DCAF5: variants seen among roughly 807,000 people sequenced by gnomAD.
The protein encoded by DCAF5 is DDB1 and CUL4 associated factor 5, also known as DDB1- and CUL4-associated factor 5.
DCAF5 carries 9 observed loss-of-function variants against 80.7 expected under a neutral mutation model. The ratio of observed to expected loss-of-function variants is 0.11; its 90% CI spans 0.07 to 0.19. The LOEUF is 0.19. Ranked by LOEUF, DCAF5 falls within the 10% of genes least tolerant of loss-of-function variation. DCAF5 has a pLI of 1.00. For synonymous variants in DCAF5, 433 were observed against 461.9 expected, an observed-to-expected ratio of 0.94 and a Z score of 0.80; for missense variants, 842 against 1,205.7, an observed-to-expected ratio of 0.70 and a Z score of 4.47.
At chr14:69,141,696 T>C (rs189167361) in intron 1 of DCAF5, among the ~76,000 whole-genome samples, 6 of 152,290 alleles carry the variant, frequency 3.9e-5, no homozygotes, top group African/African-American at 9.6e-5. Flanking sequence ...GCAGGTGACG[T>C]AGAGTTACCT....
At chr14:69,153,127 C>G (rs905648959), upstream of DCAF5, 52 of 556,682 alleles carry the variant, frequency 9.3e-5, no homozygotes, top group Non-Finnish European at 1.4e-4. Context: ...TGTGCAGACA[C>G]TCGGCGGCGT....
chr14:69,058,978 G>A (rs531698528), intron 8 of DCAF5, among the ~76,000 whole-genome samples: 34 of 152,204 alleles, frequency 2.2e-4, no homozygotes, highest in African/African-American at 7.5e-4. Flanking sequence ...GCACAGTGAA[G>A]TTTAGCTTAA....
At chr14:69,153,122 A>C (rs1044526521), upstream of DCAF5, 22 of 589,008 alleles carry the variant, frequency 3.7e-5, no homozygotes, top group South Asian at 7.4e-4. Flanking sequence ...CGAGGTGTGC[A>C]GACACTCGGC....
chr14:69,130,626 A>G (rs575031765), intron 1 of DCAF5, among the ~76,000 whole-genome samples: 55 of 152,370 alleles, frequency 3.6e-4, no homozygotes, highest in African/African-American at 1.2e-3. Context: ...TTTACTACTT[A>G]TATATGTACA....
At chr14:69,147,627 A>C (rs1051903905) in intron 1 of DCAF5, among the ~76,000 whole-genome samples, 1 of 152,166 alleles carries the variant, frequency 6.6e-6, no homozygotes, top group Non-Finnish European at 1.5e-5. Flanking sequence ...TATAATGATC[A>C]ATATGGTCAG....
chr14:69,105,933 ATATATATATAT>A lies in DCAF5; in HGVS notation c.665+10422_665+10432del, dbSNP rs1279593435. 3.9e-3 allele frequency among the ~76,000 whole-genome samples: 371 copies of A among 94,190 alleles called. 37 individuals carry two copies. Among genetic ancestry groups the A allele is most frequent in the Non-Finnish European group, 6.7e-3 (282 of 42,190 alleles). The allele number at this position is 94,190 out of a possible 152,430, so 61.8% of individuals were successfully genotyped here. On this transcript the variant is annotated intron_variant, in intron 5 of 8. Transcript: ENST00000341516. ...AACTGTCATATATATATATATATAT[ATATATATATAT>A]ATCTCCTATTGGTTCTGTTCCTCTG...
chr14:69,076,116 C>CAA (rs35853040), intron 6 of DCAF5, among the ~76,000 whole-genome samples: 22 of 137,434 alleles, frequency 1.6e-4, no homozygotes, highest in African/African-American at 4.8e-4. Context: ...TGACTATTAC[C>CAA]AAAAAAAAAA....
In DCAF5 at chr14:69,053,656, C is replaced by T. The variant is rs987859920; in HGVS notation, c.*201G>A. ...GTTATTTTTTTTTCCCCTTTCTTAA[C>T]ACAGCACAAGCCAATGGCCAGCTAG... On this transcript the variant is annotated 3_prime_UTR_variant, in exon 9 of 9. Transcript: ENST00000341516. The T allele has an allele frequency of 5.9e-5, 33 of 561,566 alleles. No individual in the cohort carries two copies. The East Asian group carries it at 1.0e-3, about 18-fold the overall frequency. The allele number at this position is 561,566 out of a possible 1,614,324, so 34.8% of individuals were successfully genotyped here.
chr14:69,137,650 G>A (rs1241131040), intron 1 of DCAF5, among the ~76,000 whole-genome samples: 1 of 152,140 alleles, frequency 6.6e-6, no homozygotes, highest in East Asian at 1.9e-4. Context: ...TGTCAACCCT[G>A]AGACTAAATC....
At chr14:69,099,308 A>G (rs1242661487) in intron 5 of DCAF5, among the ~76,000 whole-genome samples, 1 of 149,354 alleles carries the variant, frequency 6.7e-6, no homozygotes, top group Non-Finnish European at 1.5e-5. Flanking sequence ...ACAACTAACA[A>G]AGCAAAAACA....
chr14:69,054,739 T>C lies in DCAF5; in HGVS notation c.1947A>G (p.Pro649=), dbSNP rs2037887261. ...TLEIQPSRAS[P]TSDIESVERK... Reference sequence around the variant, plus strand: ...GCTCAACTGATTCTATGTCAGAAGTTGGTGATGCCCGGCTTGGTTGAATCT... The same window carrying C: ...GCTCAACTGATTCTATGTCAGAAGTCGGTGATGCCCGGCTTGGTTGAATCT... Residue 649 remains proline, a synonymous_variant, in exon 9 of 9, where the codon CCA becomes CCG. Transcript: ENST00000341516. 1 of 1,614,228 alleles carries C rather than the reference T, an allele frequency of 6.2e-7. No individual in the cohort carries two copies. Among genetic ancestry groups the C allele is most frequent in the African/African-American group, 1.3e-5 (1 of 75,062 alleles).
At position 69,054,583 on chromosome 14, in the gene DCAF5, G is replaced by A. The variant is rs141444828; in HGVS notation, c.2103C>T (p.Asn701=). Residue 701 remains asparagine (N), a synonymous_variant, in exon 9 of 9, where the codon AAC becomes AAT. Coordinates refer to ENST00000341516, the MANE Select transcript of DCAF5 (RefSeq NM_003861.3). ...EGRAGTSHKD[N]PAPSSSKEAC... ...CTTCCTTACTGGAAGAAGGGGCTGG[G>A]TTGTCTTTGTGGCTGGTTCCTGCTC... 26 of 1,614,076 alleles carry A rather than the reference G, an allele frequency of 1.6e-5. No homozygotes were observed. The Middle Eastern group carries it at 4.9e-4, about 31-fold the overall frequency.
intron 5 of DCAF5, among the ~76,000 whole-genome samples, chr14:69,110,974 T>C (rs1244501314): frequency 1.3e-5 from 2 of 151,488 alleles, no homozygotes; most frequent in African/African-American, 4.9e-5. Context: ...CTTTGATGTA[T>C]AGTGTTTCTG....
chr14:69,153,173 C>A (rs2041761783), upstream of DCAF5: 2 of 428,818 alleles, frequency 4.7e-6, no homozygotes, highest in Non-Finnish European at 8.1e-6. Context: ...CTCTCCTTCC[C>A]CCCGAGGCTC....
Position 69,054,136 on chromosome 14 carries a change from G to A in DCAF5, c.2550C>T (p.Asn850=), listed in dbSNP as rs1358125223. Residue 850 remains asparagine, a synonymous_variant, in exon 9 of 9, where the codon AAC becomes AAT. Coordinates refer to ENST00000341516, the MANE Select transcript of DCAF5 (RefSeq NM_003861.3). ...RPPHPHNNGQ[N]LGELEVVAYS... is the part of the protein sequence containing the mutation. ...AGGCCACCACCTCCAGCTCCCCCAA[G>A]TTCTGCCCGTTATTGTGAGGGTGAG... 7.4e-6 allele frequency: 12 copies of A among 1,614,132 alleles called. No individual in the cohort carries two copies. Among genetic ancestry groups the A allele is most frequent in the Non-Finnish European group, 9.3e-6 (11 of 1,180,056 alleles).
intron 7 of DCAF5, among the ~76,000 whole-genome samples, chr14:69,074,993 C>G (rs1403291408): frequency 2.0e-5 from 3 of 150,672 alleles, no homozygotes; most frequent in Non-Finnish European, 4.4e-5. Flanking sequence ...AAGATCACAC[C>G]AGTGCACTCT....
chr14:69,054,408 C>T lies in DCAF5; in HGVS notation c.2278G>A (p.Gly760Ser). Residue 760 changes from glycine to serine, a missense_variant, in exon 9 of 9, where the codon GGT becomes AGT. Physicochemically the swap from Gly to Ser is moderately conservative, Grantham distance 56. Around this residue, in one of 5 missense-constraint regions of DCAF5, gnomAD observed 607 missense variants for 656.6 expected, o/e 0.92. Transcript: ENST00000341516. ...SSHAWAEVPEGTSQDTGNSGS... is the reference protein window; with the variant it reads ...SSHAWAEVPESTSQDTGNSGS... ...CTATTGCCAGTGTCCTGAGAGGTACCCTCTGGCACCTCTGCCCAAGCATGG... is the reference window on the plus strand; with the variant it reads ...CTATTGCCAGTGTCCTGAGAGGTACTCTCTGGCACCTCTGCCCAAGCATGG... The T allele has an allele frequency of 2.5e-6, 4 of 1,614,016 alleles. No individual in the cohort carries two copies. The South Asian group carries it at 4.4e-5, about 18-fold the overall frequency.
At chr14:69,104,986 A>G (rs542921506) in intron 5 of DCAF5, among the ~76,000 whole-genome samples, 5 of 152,004 alleles carry the variant, frequency 3.3e-5, no homozygotes, top group Non-Finnish European at 5.9e-5. Flanking sequence ...TAGATATGAG[A>G]TGGTATTAAG....
At chr14:69,123,448 A>G (rs760503316) in intron 1 of DCAF5, among the ~76,000 whole-genome samples, 2 of 152,200 alleles carry the variant, frequency 1.3e-5, no homozygotes, top group Non-Finnish European at 2.9e-5. Flanking sequence ...AGATGGCTAT[A>G]AAAGAAGCTG....
Sources: allele counts gnomAD v4.1 joint callset (sites outside exome capture counted in the v4.1 genomes callset), GRCh38; gene constraint gnomAD v4.1.1; regional missense constraint gnomAD v4.1.1; transcripts MANE v1.5; gene names NCBI Gene and HGNC (gene_info 2026-07-23, HGNC 2026-07-21).